DAO: variants seen among roughly 807,000 people sequenced by gnomAD.
DAO encodes the protein D-amino-acid oxidase.
In DAO, 51 loss-of-function variants were observed where a neutral mutation model predicts 50.1. That is an observed-to-expected ratio of 1.02 (90% CI 0.81 to 1.29). DAO has a LOEUF of 1.29. Among genes scored for constraint, DAO ranks in the 50% most tolerant of loss-of-function variants. DAO has a pLI of 0.00. For missense variants in DAO, 436 were observed against 439.4 expected, an observed-to-expected ratio of 0.99 and a Z score of 0.07; for synonymous variants, 160 against 166.2, an observed-to-expected ratio of 0.96 and a Z score of 0.29.
rs200350184 is a variant in DAO at position 108,885,114 on chromosome 12, G to A, written c.108G>A (p.Ala36=). 5.6e-5 allele frequency: 91 copies of A among 1,613,452 alleles called. No individual in the cohort carries two copies. The highest frequency in any genetic ancestry group is 4.9e-4 in the Middle Eastern group (3 of 6,080). Residue 36 remains alanine, a synonymous_variant, in exon 2 of 11, where the codon GCG becomes GCA. Transcript: ENST00000228476. ...VLQPLDIKVY[A]DRFTPLTTTD... ...AGCCACTGGACATAAAGGTCTACGC[G>A]GACCGCTTCACCCCACTCACCACCA...
intron 5 of DAO, among the ~76,000 whole-genome samples, chr12:108,892,623 C>T (rs11114086): frequency 0.19 from 29,016 of 152,132 alleles, 3,626 homozygotes; most frequent in East Asian, 0.48. Context: ...TGAATCTCAT[C>T]GCCTTTGCTG....
chr12:108,885,453 ACAAAAAATTAGC>A (rs1020908694), intron 2 of DAO, among the ~76,000 whole-genome samples: 4 of 152,132 alleles, frequency 2.6e-5, no homozygotes, highest in African/African-American at 7.2e-5. Flanking sequence ...TACCAAAAAT[ACAAAAAATTAGC>A]CGGGCATGGT....
At chr12:108,897,160 C>T in intron 8 of DAO, 72 bp downstream of exon 8, 1 of 1,035,940 alleles carries the variant, frequency 9.7e-7, no homozygotes, top group Non-Finnish European at 1.5e-6. Flanking sequence ...CTGCCTCCCC[C>T]AAGCTCCTTA....
intron 1 of DAO, among the ~76,000 whole-genome samples, chr12:108,881,763 C>G (rs1358305380): frequency 6.6e-6 from 1 of 151,828 alleles, no homozygotes; most frequent in African/African-American, 2.4e-5. Context: ...CACCACCATG[C>G]CAAGCTAATT....
At chr12:108,890,425 C>G in intron 5 of DAO, 152 bp downstream of exon 5, 1 of 682,352 alleles carries the variant, frequency 1.5e-6, no homozygotes, top group Admixed American at 2.0e-5. Context: ...GTCCTGATCA[C>G]CGCTGGGCAC....
intron 2 of DAO, 46 bp from the exon 3 acceptor site, chr12:108,887,404 C>G (rs953168004): frequency 8.9e-6 from 13 of 1,457,442 alleles, no homozygotes; most frequent in Non-Finnish European, 1.3e-5. Flanking sequence ...AGGTTTTTTG[C>G]CCAGCTCAGG....
chr12:108,892,429 G>A (rs2039501625), intron 5 of DAO, among the ~76,000 whole-genome samples: 1 of 151,974 alleles, frequency 6.6e-6, no homozygotes, highest in Admixed American at 6.6e-5. Flanking sequence ...GCCTCCCAAA[G>A]TACTGGGATT....
chr12:108,898,897 C>T (rs1210916894), intron 9 of DAO, 101 bp downstream of exon 9: 3 of 772,498 alleles, frequency 3.9e-6, no homozygotes, highest in East Asian at 5.3e-5. Flanking sequence ...GATAACTGGG[C>T]AAATTAATTC....
At chr12:108,898,833 G>C in intron 9 of DAO, 37 bp downstream of exon 9, 2 of 1,423,894 alleles carry the variant, frequency 1.4e-6, no homozygotes, top group Non-Finnish European at 2.0e-6. Flanking sequence ...CTAAACCAAG[G>C]TCGTGGGAGC....
Position 108,892,462 on chromosome 12 carries a change from C to T in DAO, c.453-520C>T, listed in dbSNP as rs138100308. 3.0e-3 allele frequency among the ~76,000 whole-genome samples: 455 copies of T among 152,098 alleles called. 5 individuals are homozygous for T. The highest frequency in any genetic ancestry group is 9.9e-3 in the African/African-American group (411 of 41,494). On this transcript the variant is annotated intron_variant, in intron 5 of 10. Transcript: ENST00000228476. ...ATTACAGGCGTGAGCCACCGCGCCT[C>T]GCTGTTTCTAGTGTATTTCTAATCG...
In DAO at chr12:108,892,329, AT is replaced by A. The variant is rs915262439; in HGVS notation, c.453-643del. On this transcript the variant is annotated intron_variant, in intron 5 of 10. Transcript: ENST00000228476. ...AGGCGCCTGCCACCACGTCTGGCTA[AT>A]TTTTTTTTTGTATTGTTAGTAGAGA... Among the ~76,000 whole-genome samples, 626 of 147,622 alleles carry A rather than the reference AT, an allele frequency of 4.2e-3. 4 individuals are homozygous for A. The highest frequency in any genetic ancestry group is 0.014 in the African/African-American group (573 of 40,318).
chr12:108,884,444 G>T (rs2039412334), intron 1 of DAO, among the ~76,000 whole-genome samples: 1 of 152,134 alleles, frequency 6.6e-6, no homozygotes, highest in African/African-American at 2.4e-5. Context: ...TTAGTGCCGG[G>T]GCCAGCTGGC....
chr12:108,883,736 G>C (rs1270266101), intron 1 of DAO: 1 of 419,536 alleles, frequency 2.4e-6, no homozygotes, highest in Non-Finnish European at 4.9e-6. Flanking sequence ...CAGTATCCAA[G>C]CTCGGGCTCG....
intron 3 of DAO, among the ~76,000 whole-genome samples, chr12:108,888,166 C>A (rs1566035991): frequency 1.3e-5 from 2 of 152,158 alleles, no homozygotes; most frequent in Admixed American, 6.5e-5. Flanking sequence ...TCCATGGTGT[C>A]CAGTGTGCTA....
At chr12:108,895,415 G>A (rs1338261028) in intron 7 of DAO, among the ~76,000 whole-genome samples, 15 of 149,700 alleles carry the variant, frequency 1.0e-4, no homozygotes, top group Non-Finnish European at 1.8e-4. Flanking sequence ...GTGTGTGCAT[G>A]TGTGTGAGGG....
At chr12:108,896,890 G>T (rs2039566241) in intron 7 of DAO, 116 bp from the exon 8 acceptor site, 6 of 791,120 alleles carry the variant, frequency 7.6e-6, no homozygotes, top group South Asian at 1.4e-5. Flanking sequence ...GTCATGAGAG[G>T]TCTTATAAGG....
chr12:108,890,340 C>T (rs1250941615), intron 5 of DAO, 67 bp downstream of exon 5: 106 of 1,251,260 alleles, frequency 8.5e-5, no homozygotes, highest in Non-Finnish European at 1.2e-4. Context: ...GAAGATGGTT[C>T]GTGGGCTTCC....
At chr12:108,900,326 T>C in intron 10 of DAO, 78 bp from the exon 11 acceptor site, 1 of 1,577,166 alleles carries the variant, frequency 6.3e-7, no homozygotes, top group Non-Finnish European at 8.7e-7. Context: ...CTCCTGAGTC[T>C]TCCAGGGCAG....
chr12:108,894,463 C>A, intron 7 of DAO, 96 bp downstream of exon 7: 2 of 1,047,710 alleles, frequency 1.9e-6, no homozygotes, highest in Non-Finnish European at 1.4e-6. Flanking sequence ...TCAGGAACAT[C>A]TGTTAGAGGA....
Sources: gnomAD v4.1 joint callset for allele counts (sites outside exome capture counted in the v4.1 genomes callset) on GRCh38, gnomAD v4.1.1 for gene constraint, MANE v1.5 for transcripts, NCBI Gene and HGNC (gene_info 2026-07-23, HGNC 2026-07-21) for gene names.